The following MED13L variants were observed in gnomAD, a reference collection of about 807,000 sequenced individuals.
MED13L encodes mediator of RNA polymerase II transcription subunit 13-like.
Under a neutral mutation model 220.9 loss-of-function variants are expected in MED13L, and 7 were observed. That is an observed-to-expected ratio of 0.03 (90% confidence interval 0.02 to 0.06). The LOEUF is 0.06. Among genes scored for constraint, MED13L ranks in the 10% least tolerant of loss-of-function variants. The probability of loss-of-function intolerance (pLI) is 1.00; values close to 1 mark genes in which losing one functional copy is unlikely to be tolerated. For missense variants in MED13L, 1,965 were observed against 2,760.5 expected (o/e 0.71, Z 6.46); for synonymous variants, 1,011 against 1,015.2 (o/e 1.00, Z 0.08).
In MED13L at chr12:116,007,526, C is replaced by G. The variant is rs777144531; in HGVS notation, c.2123G>C (p.Ser708Thr). ...ATATGGGTCATTCACTTCTCCCAAA[C>G]TGTCTCCAGGTTGTTGTGATAGAGG... is the stretch of plus-strand genomic sequence containing the variant. ...PLPLSQQPGD[S>T]LGEVNDPYTF... is the part of the protein sequence containing the mutation. Residue 708 changes from serine (S) to threonine (T), a missense_variant, in exon 11 of 31, where the codon AGT becomes ACT. Physicochemically the swap from Ser to Thr is moderately conservative, Grantham distance 58 (BLOSUM62 1). This residue lies in a region of MED13L where 818 missense variants were observed against 1,041.2 expected (regional missense o/e 0.79). Transcript: ENST00000281928. 1.2e-6 allele frequency: 2 copies of G among 1,613,530 alleles called. No individual in the cohort carries two copies. Among genetic ancestry groups the G allele is most frequent in the South Asian group, 2.2e-5 (2 of 91,074 alleles).
intron 9 of MED13L, among the ~76,000 whole-genome samples, chr12:116,012,458 C>T (rs971146195): frequency 1.4e-4 from 22 of 152,130 alleles, no homozygotes; most frequent in Admixed American, 1.2e-3. Flanking sequence ...GACTCAAGCC[C>T]ATCTGTTTTT....
chr12:116,190,088 A>G (rs759847209), intron 2 of MED13L, among the ~76,000 whole-genome samples: 20 of 152,132 alleles, frequency 1.3e-4, no homozygotes, highest in Non-Finnish European at 2.5e-4. Flanking sequence ...TTGGTATTAT[A>G]TTGAATAAAA....
At chr12:116,180,123 G>A (rs1593136068) in intron 2 of MED13L, among the ~76,000 whole-genome samples, 2 of 152,144 alleles carry the variant, frequency 1.3e-5, no homozygotes, top group South Asian at 4.1e-4. Flanking sequence ...ACTGTGGCTC[G>A]ACGACACTGT....
At chr12:116,229,219 T>C (rs186198847) in intron 2 of MED13L, among the ~76,000 whole-genome samples, 3 of 152,328 alleles carry the variant, frequency 2.0e-5, no homozygotes, top group Admixed American at 2.0e-4. Context: ...TCACAATGTA[T>C]TAATCATAAA....
At chr12:116,012,742 C>T (rs1423207403) in intron 9 of MED13L, 55 bp downstream of exon 9, 7 of 1,247,444 alleles carry the variant, frequency 5.6e-6, no homozygotes, top group Admixed American at 1.7e-5. Context: ...GGAGATGAAT[C>T]AACAAGATGC....
At position 115,963,503 on chromosome 12, in the gene MED13L, T is replaced by C; in HGVS notation, c.6404A>G (p.His2135Arg). 1 of 1,613,860 alleles carries C rather than the reference T, an allele frequency of 6.2e-7. No homozygotes were observed. Among genetic ancestry groups the C allele is most frequent in the Non-Finnish European group, 8.5e-7 (1 of 1,179,794 alleles). The change falls in exon 30 of 31, where the codon CAC becomes CGC. Residue 2135 changes from histidine to arginine, a missense_variant. Coordinates refer to ENST00000281928, the MANE Select transcript of MED13L (RefSeq NM_015335.5). ...PLFLKASLHH[H>R]ISVAQTDELL... ...TTCGTCTGTCTGTGCTACTGAAATGTGGTGATGCAGCGAAGCCTGGTGAAA... is the reference window on the plus strand; with the variant it reads ...TTCGTCTGTCTGTGCTACTGAAATGCGGTGATGCAGCGAAGCCTGGTGAAA...
chr12:116,115,599 TCA>T (rs2137921440), intron 2 of MED13L, among the ~76,000 whole-genome samples: 1 of 151,558 alleles, frequency 6.6e-6, no homozygotes. Context: ...CAGTTACAAA[TCA>T]CATATCTGAC....
chr12:116,195,239 C>T (rs1881545643), intron 2 of MED13L, among the ~76,000 whole-genome samples: 1 of 151,768 alleles, frequency 6.6e-6, no homozygotes, highest in Non-Finnish European at 1.5e-5. Flanking sequence ...GACAAGTGCC[C>T]TCTGCTGCCA....
intron 2 of MED13L, among the ~76,000 whole-genome samples, chr12:116,150,329 T>C (rs543889748): frequency 2.6e-5 from 4 of 152,350 alleles, no homozygotes; most frequent in African/African-American, 7.2e-5. Context: ...TGCCAGCTTA[T>C]CAACGTACTC....
intron 4 of MED13L, among the ~76,000 whole-genome samples, chr12:116,058,119 CA>C (rs1320952389): frequency 6.6e-6 from 1 of 152,092 alleles, no homozygotes; most frequent in Non-Finnish European, 1.5e-5. Flanking sequence ...CAAAAGACAT[CA>C]AACATACTTT....
At chr12:116,000,364 G>A (rs1249076712) in intron 14 of MED13L, among the ~76,000 whole-genome samples, 4 of 152,206 alleles carry the variant, frequency 2.6e-5, no homozygotes, top group African/African-American at 7.2e-5. Context: ...CTGGAGGTGA[G>A]CTGTGCTGCC....
intron 2 of MED13L, among the ~76,000 whole-genome samples, chr12:116,183,385 G>A (rs988660771): frequency 6.6e-6 from 1 of 152,188 alleles, no homozygotes. Context: ...CACTTGAAAA[G>A]GCAAATTTAT....
chr12:116,068,212 G>C (rs555509986), intron 4 of MED13L, among the ~76,000 whole-genome samples: 1 of 152,146 alleles, frequency 6.6e-6, no homozygotes, highest in Non-Finnish European at 1.5e-5. Flanking sequence ...GCCGTAATCA[G>C]CCTCAGATGC....
intron 4 of MED13L, among the ~76,000 whole-genome samples, chr12:116,063,798 C>T (rs187645325): frequency 6.6e-6 from 1 of 152,162 alleles, no homozygotes; most frequent in Admixed American, 6.5e-5. Context: ...AAAATATAAA[C>T]AGTGGTAGAG....
At chr12:116,191,152 C>T (rs1202169119) in intron 2 of MED13L, among the ~76,000 whole-genome samples, 1 of 149,948 alleles carries the variant, frequency 6.7e-6, no homozygotes, top group African/African-American at 2.5e-5. Context: ...AGTCAAGGAA[C>T]AGTAATTTCC....
intron 2 of MED13L, among the ~76,000 whole-genome samples, chr12:116,186,088 C>T (rs1593142933): frequency 6.6e-6 from 1 of 152,306 alleles, no homozygotes; most frequent in East Asian, 1.9e-4. Flanking sequence ...TCATCATATA[C>T]TTCTTTCAAA....
At chr12:116,131,495 A>G (rs1876062117) in intron 2 of MED13L, among the ~76,000 whole-genome samples, 2 of 152,212 alleles carry the variant, frequency 1.3e-5, no homozygotes, top group South Asian at 4.1e-4. Flanking sequence ...TACTAAAGGT[A>G]CTTCCTTCTC....
intron 22 of MED13L, among the ~76,000 whole-genome samples, chr12:115,981,412 T>C (rs117774463): frequency 0.011 from 1,655 of 152,348 alleles, 10 homozygotes; most frequent in Non-Finnish European, 0.017. Context: ...TTTTACAAGA[T>C]AGCTTCAGTT....
chr12:116,035,936 T>A (rs547007457), intron 4 of MED13L, among the ~76,000 whole-genome samples: 1 of 152,260 alleles, frequency 6.6e-6, no homozygotes, highest in South Asian at 2.1e-4. Flanking sequence ...CAACTTCATC[T>A]CTCACTATTT....
Sources: gnomAD v4.1 joint callset for allele counts (sites outside exome capture counted in the v4.1 genomes callset) on GRCh38, gnomAD v4.1.1 for gene constraint, gnomAD v4.1.1 regional missense constraint, MANE v1.5 for transcripts, NCBI Gene and HGNC (gene_info 2026-07-23, HGNC 2026-07-21) for gene names.